The following COL26A1 variants were observed in gnomAD, a reference collection of about 807,000 sequenced individuals.
COL26A1 encodes collagen type XXVI alpha 1 chain.
COL26A1 carries 41 observed loss-of-function variants against 59.3 expected under a neutral mutation model. The observed-to-expected ratio is 0.69, with a 90% CI of 0.54 to 0.90. The LOEUF (loss-of-function observed/expected upper bound fraction) is 0.90, where lower values mean the gene tolerates loss of function less well. Ranked by LOEUF, COL26A1 falls within the 40% of genes least tolerant of loss-of-function variation. The pLI, the probability that COL26A1 is intolerant of heterozygous loss-of-function variation, is 0.00. For synonymous variants in COL26A1, 266 were observed against 256.0 expected, an observed-to-expected ratio of 1.04 and a Z score of -0.37; for missense variants, 612 against 602.3, an observed-to-expected ratio of 1.02 and a Z score of -0.17.
At position 101,415,913 on chromosome 7, in the gene COL26A1, G is replaced by A. The variant is rs897243943; in HGVS notation, c.159-4064G>A. On this transcript the variant is annotated intron_variant, in intron 1 of 12. Transcript: ENST00000313669. ...CTTCCAAAGTGCTGGGATTATAGGC[G>A]TGAGCCACTGCACCCAACCCCTTTC... 4.1e-5 allele frequency among the ~76,000 whole-genome samples: 6 copies of A among 145,818 alleles called. 1 individual carries two copies. The highest frequency in any genetic ancestry group is 9.7e-5 in the African/African-American group (4 of 41,114).
intron 3 of COL26A1, among the ~76,000 whole-genome samples, chr7:101,468,870 G>C (rs1285733499): frequency 6.6e-6 from 1 of 152,192 alleles, no homozygotes; most frequent in Non-Finnish European, 1.5e-5. Context: ...GCCTCCACCA[G>C]ACCTGGCAGT....
intron 3 of COL26A1, 101 bp from the exon 4 acceptor site, chr7:101,532,981 T>A: frequency 1.2e-6 from 1 of 855,466 alleles, no homozygotes; most frequent in South Asian, 1.5e-5. Context: ...GACTGGAGAT[T>A]TCTCTGCTTG....
chr7:101,551,703 G>A (rs1391109278), intron 10 of COL26A1, among the ~76,000 whole-genome samples: 2 of 151,222 alleles, frequency 1.3e-5, no homozygotes, highest in Non-Finnish European at 2.9e-5. Context: ...CCAGGATCAC[G>A]CCACTGCACT....
intron 2 of COL26A1, among the ~76,000 whole-genome samples, chr7:101,428,402 T>C (rs1017035010): frequency 2.0e-5 from 3 of 150,568 alleles, no homozygotes; most frequent in Non-Finnish European, 4.4e-5. Flanking sequence ...TATTTGAGAA[T>C]GGGCATTGCA....
chr7:101,422,919 G>A (rs1159499350), intron 2 of COL26A1, among the ~76,000 whole-genome samples: 9 of 152,274 alleles, frequency 5.9e-5, no homozygotes, highest in Admixed American at 5.2e-4. Flanking sequence ...GGGATTACAG[G>A]TGTGAGCCAC....
At chr7:101,383,945 C>G (rs1791506184) in intron 1 of COL26A1, among the ~76,000 whole-genome samples, 2 of 152,158 alleles carry the variant, frequency 1.3e-5, no homozygotes, top group Non-Finnish European at 1.5e-5. Flanking sequence ...GCTGGGATTA[C>G]TGGCATGAGC....
At chr7:101,387,630 G>GCGCTCTCTCTCTCTCTCTCT (rs1554404011) in intron 1 of COL26A1, among the ~76,000 whole-genome samples, 3 of 132,424 alleles carry the variant, frequency 2.3e-5, no homozygotes, top group African/African-American at 8.5e-5. Flanking sequence ...TCTCTCTCTC[G>GCGCTCTCTCTCTCTCTCTCT]CTCTCTCTCT....
intron 2 of COL26A1, among the ~76,000 whole-genome samples, chr7:101,445,881 C>G (rs1468458521): frequency 6.6e-6 from 1 of 150,902 alleles, no homozygotes; most frequent in African/African-American, 2.4e-5. Flanking sequence ...AACCCTGTCT[C>G]TACTAAAAGT....
chr7:101,385,533 G>A (rs929999455), intron 1 of COL26A1, among the ~76,000 whole-genome samples: 1 of 151,672 alleles, frequency 6.6e-6, no homozygotes, highest in Admixed American at 6.6e-5. Context: ...ACCATGCCCA[G>A]CTAATTTTTG....
At chr7:101,402,295 T>C (rs1792026194) in intron 1 of COL26A1, among the ~76,000 whole-genome samples, 1 of 151,976 alleles carries the variant, frequency 6.6e-6, no homozygotes, top group African/African-American at 2.4e-5. Flanking sequence ...TTATCAGGGA[T>C]TTTCCCCCCC....
At chr7:101,515,963 G>A (rs1035076532) in intron 3 of COL26A1, among the ~76,000 whole-genome samples, 4 of 152,164 alleles carry the variant, frequency 2.6e-5, no homozygotes, top group African/African-American at 7.2e-5. Context: ...CTACCTCTCA[G>A]GCATCTGGAA....
intron 9 of COL26A1, among the ~76,000 whole-genome samples, chr7:101,549,817 G>T (rs943046872): frequency 1.3e-5 from 2 of 152,222 alleles, no homozygotes; most frequent in African/African-American, 4.8e-5. Context: ...GCTGCCTGAG[G>T]TTGTACAGAG....
intron 2 of COL26A1, among the ~76,000 whole-genome samples, chr7:101,444,748 A>G (rs898299912): frequency 2.6e-5 from 4 of 151,470 alleles, no homozygotes; most frequent in African/African-American, 9.7e-5. Context: ...GTCAGTGTTC[A>G]GTGTTCAGGA....
chr7:101,549,284 T>C (rs1310851609), intron 9 of COL26A1, 61 bp downstream of exon 9: 18 of 1,178,866 alleles, frequency 1.5e-5, no homozygotes, highest in African/African-American at 3.1e-5. Context: ...TGGCCTTGTC[T>C]CCCTAGGGGA....
chr7:101,471,561 G>GTTTTTT, intron 3 of COL26A1, among the ~76,000 whole-genome samples: 1 of 134,160 alleles, frequency 7.5e-6, no homozygotes, highest in African/African-American at 2.9e-5. Flanking sequence ...TGTTGTTGTT[G>GTTTTTT]TTGTTGTTTG....
At chr7:101,504,841 G>A (rs969841094) in intron 3 of COL26A1, among the ~76,000 whole-genome samples, 5 of 151,988 alleles carry the variant, frequency 3.3e-5, no homozygotes, top group Non-Finnish European at 7.3e-5. Context: ...GTGTGTGTAT[G>A]CCTGTGTGTG....
chr7:101,405,852 T>G (rs1213326352), intron 1 of COL26A1, among the ~76,000 whole-genome samples: 2 of 152,174 alleles, frequency 1.3e-5, no homozygotes, highest in Non-Finnish European at 2.9e-5. Context: ...CCGCCAGCCC[T>G]TCCCGCCAGT....
intron 4 of COL26A1, among the ~76,000 whole-genome samples, chr7:101,538,291 C>T (rs1484773577): frequency 2.6e-5 from 4 of 152,346 alleles, no homozygotes; most frequent in African/African-American, 9.6e-5. Context: ...CCACCCTTCA[C>T]TGCCGTGTGA....
At chr7:101,541,113 A>G (rs1307676364) in intron 5 of COL26A1, among the ~76,000 whole-genome samples, 1 of 152,028 alleles carries the variant, frequency 6.6e-6, no homozygotes, top group Non-Finnish European at 1.5e-5. Flanking sequence ...ACCATTCCCT[A>G]TTGTCTTACA....
Sources: allele counts gnomAD v4.1 joint callset (sites outside exome capture counted in the v4.1 genomes callset), GRCh38; gene constraint gnomAD v4.1.1; transcripts MANE v1.5; gene names NCBI Gene and HGNC (gene_info 2026-07-23, HGNC 2026-07-21).